GALNT14: variants seen among roughly 807,000 people sequenced by gnomAD.
The protein encoded by GALNT14 is UDP-GalNAc:polypeptide N-acetylgalactosaminyltransferase 14.
A neutral mutation model predicts 77.5 loss-of-function variants in GALNT14; 60 were observed. That is an observed-to-expected ratio of 0.77 (90% CI 0.63 to 0.96). The LOEUF (loss-of-function observed/expected upper bound fraction) is 0.96. Among genes scored for constraint, GALNT14 ranks in the 40% least tolerant of loss-of-function variants. GALNT14 has a pLI of 0.00. For missense variants in GALNT14, 710 were observed against 731.0 expected (o/e 0.97, Z 0.33); for synonymous variants, 280 against 281.7 (o/e 0.99, Z 0.06).
intron 2 of GALNT14, among the ~76,000 whole-genome samples, chr2:30,985,900 C>T (rs968471976): frequency 6.6e-6 from 1 of 152,176 alleles, no homozygotes; most frequent in Admixed American, 6.5e-5. Context: ...GGAATATGAA[C>T]ATTTTTTATG....
At chr2:31,029,685 A>C (rs1401347298) in intron 1 of GALNT14, among the ~76,000 whole-genome samples, 3 of 152,130 alleles carry the variant, frequency 2.0e-5, no homozygotes, top group Non-Finnish European at 2.9e-5. Context: ...TGTAGACTAG[A>C]ACAACACTCT....
chr2:31,089,798 C>T (rs184861292), intron 1 of GALNT14, among the ~76,000 whole-genome samples: 1 of 152,262 alleles, frequency 6.6e-6, no homozygotes, highest in East Asian at 1.9e-4. Flanking sequence ...TACCAAGCAG[C>T]TGGCGTGCTA....
At chr2:30,917,058 A>C (rs1430373647) in intron 13 of GALNT14, among the ~76,000 whole-genome samples, 1 of 142,612 alleles carries the variant, frequency 7.0e-6, no homozygotes, top group Non-Finnish European at 1.5e-5. Context: ...GCCTGGGCAA[A>C]AGAGTAAGAC....
intron 1 of GALNT14, among the ~76,000 whole-genome samples, chr2:31,036,849 CA>C (rs1177197314): frequency 6.6e-6 from 1 of 152,122 alleles, no homozygotes; most frequent in African/African-American, 2.4e-5. Context: ...CCAAGGTTTC[CA>C]ATGAGAAGTC....
chr2:31,068,059 T>C (rs1390191074), intron 1 of GALNT14, among the ~76,000 whole-genome samples: 1 of 152,020 alleles, frequency 6.6e-6, no homozygotes, highest in African/African-American at 2.4e-5. Context: ...TCTTATCCTT[T>C]CCCCAAGCCC....
intron 1 of GALNT14, among the ~76,000 whole-genome samples, chr2:31,137,491 A>C (rs1679275429): frequency 6.6e-6 from 1 of 152,162 alleles, no homozygotes; most frequent in Admixed American, 6.5e-5. Context: ...CCCGCAACGC[A>C]CAGGCGCGCG....
chr2:30,968,029 A>T (rs530591305), intron 2 of GALNT14, among the ~76,000 whole-genome samples: 9 of 151,602 alleles, frequency 5.9e-5, no homozygotes, highest in Admixed American at 1.3e-4. Context: ...GGTGTTCCAT[A>T]CTCCCCCAAA....
chr2:31,108,185 C>A lies in GALNT14; in HGVS notation c.129+29773G>T, dbSNP rs1416532375. ...CAAGGCCAGACTCCTGCCTCTGACC[C>A]CACATGAACCCTGAAGTTTCAGGCT... On this transcript the variant is annotated intron_variant, in intron 1 of 14. Coordinates refer to ENST00000349752, the MANE Select transcript of GALNT14 (RefSeq NM_024572.4). Among the ~76,000 whole-genome samples the A allele has an allele frequency of 2.0e-5, 3 of 152,146 alleles. No individual in the cohort carries two copies. In the East Asian group the frequency reaches 5.8e-4, roughly 29 times the overall value.
chr2:30,891,736 AT>A, the GALNT14 span, among the ~76,000 whole-genome samples: 1 of 152,120 alleles, frequency 6.6e-6, no homozygotes, highest in African/African-American at 2.4e-5. Context: ...GATTCAATCT[AT>A]TTTTAAGTGA....
chr2:31,048,139 A>G (rs1207971141), intron 1 of GALNT14, among the ~76,000 whole-genome samples: 2 of 152,210 alleles, frequency 1.3e-5, no homozygotes, highest in East Asian at 1.9e-4. Flanking sequence ...AGGCCATGAA[A>G]CCATTTGCCC....
At chr2:31,001,734 C>G (rs1334734404) in intron 1 of GALNT14, among the ~76,000 whole-genome samples, 2 of 151,782 alleles carry the variant, frequency 1.3e-5, no homozygotes, top group African/African-American at 4.8e-5. Flanking sequence ...TCCAAGGACT[C>G]TGGATACAGG....
chr2:31,015,858 C>T (rs1386128859), intron 1 of GALNT14, among the ~76,000 whole-genome samples: 1 of 152,188 alleles, frequency 6.6e-6, no homozygotes, highest in East Asian at 1.9e-4. Flanking sequence ...GAGACTATTA[C>T]AATTAAATGC....
chr2:30,906,810 C>T (rs371751462), downstream of GALNT14, among the ~76,000 whole-genome samples: 2 of 152,246 alleles, frequency 1.3e-5, no homozygotes, highest in Admixed American at 6.5e-5. Flanking sequence ...TACTTGGAAG[C>T]AAAGCTCTCC....
intron 9 of GALNT14, among the ~76,000 whole-genome samples, chr2:30,934,445 T>C (rs1665934481): frequency 6.6e-6 from 1 of 152,214 alleles, no homozygotes; most frequent in African/African-American, 2.4e-5. Context: ...AGCTTTCTTC[T>C]AAAGATATGT....
chr2:31,057,973 G>C (rs1674342457), intron 1 of GALNT14, among the ~76,000 whole-genome samples: 1 of 152,112 alleles, frequency 6.6e-6, no homozygotes, highest in Non-Finnish European at 1.5e-5. Context: ...GGTAGTTACA[G>C]CTCCTGTCGG....
chr2:30,943,835 A>G (rs1484122871), intron 8 of GALNT14, among the ~76,000 whole-genome samples: 2 of 152,162 alleles, frequency 1.3e-5, no homozygotes, highest in Non-Finnish European at 2.9e-5. Flanking sequence ...AGATGAGACC[A>G]AGGTCCTACC....
intron 1 of GALNT14, among the ~76,000 whole-genome samples, chr2:31,008,526 C>T (rs1047162634): frequency 7.9e-5 from 12 of 152,014 alleles, no homozygotes; most frequent in Non-Finnish European, 1.8e-4. Flanking sequence ...TAAATGGCTC[C>T]CCCCAGCCTT....
At chr2:30,904,378 C>T in the GALNT14 span, among the ~76,000 whole-genome samples, 27 of 152,336 alleles carry the variant, frequency 1.8e-4, no homozygotes, top group Admixed American at 1.4e-3. Context: ...CGAAGCAGGG[C>T]GAGGCATTGC....
At chr2:31,073,317 A>G (rs1211148099) in intron 1 of GALNT14, 1 of 152,218 alleles carries the variant, frequency 6.6e-6, no homozygotes, top group Admixed American at 6.5e-5. Flanking sequence ...AAATATAAAT[A>G]TTTGTTGCAT....
Sources: allele counts gnomAD v4.1 joint callset (sites outside exome capture counted in the v4.1 genomes callset), GRCh38; gene constraint gnomAD v4.1.1; transcripts MANE v1.5; gene names NCBI Gene and HGNC (gene_info 2026-07-23, HGNC 2026-07-21).